The following CHD7 variants were observed in gnomAD, a reference collection of about 807,000 sequenced individuals.
CHD7 encodes chromodomain helicase DNA binding protein 7, also known as ATP-dependent chromatin remodeler CHD7.
A neutral mutation model predicts 307.3 loss-of-function variants in CHD7; 24 were observed. The ratio of observed to expected loss-of-function variants is 0.08; its 90% confidence interval spans 0.06 to 0.11. The LOEUF is 0.11. Ranked by LOEUF, CHD7 falls within the 10% of genes least tolerant of loss-of-function variation. The probability of loss-of-function intolerance (pLI) is 1.00; values close to 1 mark genes in which losing one functional copy is unlikely to be tolerated. For synonymous variants in CHD7, 1,363 were observed against 1,349.9 expected (o/e 1.01, Z -0.21); for missense variants, 3,106 against 3,727.1 (o/e 0.83, Z 4.34).
At chr8:60,735,265 T>TA (rs1482757060) in intron 1 of CHD7, among the ~76,000 whole-genome samples, 1 of 152,228 alleles carries the variant, frequency 6.6e-6, no homozygotes, top group African/African-American at 2.4e-5. Context: ...GAGATGGTGT[T>TA]ACTGTCATAG....
intron 1 of CHD7, among the ~76,000 whole-genome samples, chr8:60,685,515 C>T (rs1441726989): frequency 6.6e-6 from 1 of 152,082 alleles, no homozygotes; most frequent in East Asian, 1.9e-4. Flanking sequence ...GTTCCCGGCA[C>T]GTGGGTGGCA....
intron 1 of CHD7, among the ~76,000 whole-genome samples, chr8:60,699,821 T>C (rs1308381528): frequency 7.0e-6 from 1 of 142,836 alleles, no homozygotes; most frequent in Non-Finnish European, 1.5e-5. Flanking sequence ...GTTTGATAAC[T>C]TGATATTATT....
chr8:60,785,921 C>A (rs1325496598), intron 3 of CHD7, among the ~76,000 whole-genome samples: 1 of 151,794 alleles, frequency 6.6e-6, no homozygotes, highest in Non-Finnish European at 1.5e-5. Flanking sequence ...TTTGAAAAGA[C>A]AGAACTAAAT....
intron 2 of CHD7, among the ~76,000 whole-genome samples, chr8:60,745,429 T>C (rs1412601896): frequency 2.0e-5 from 3 of 152,178 alleles, no homozygotes; most frequent in Non-Finnish European, 4.4e-5. Flanking sequence ...TGTGTGAGTC[T>C]GTGGCGTTTG....
intron 1 of CHD7, among the ~76,000 whole-genome samples, chr8:60,698,293 TGA>T (rs977788512): frequency 6.6e-6 from 1 of 152,196 alleles, no homozygotes; most frequent in African/African-American, 2.4e-5. Context: ...GAGGATAATT[TGA>T]GAGGATTTTT....
At chr8:60,760,772 T>C (rs1188519547) in intron 2 of CHD7, among the ~76,000 whole-genome samples, 1 of 150,994 alleles carries the variant, frequency 6.6e-6, no homozygotes. Flanking sequence ...ATCAGAGAAA[T>C]GCAAATCAAA....
chr8:60,689,917 A>G (rs1001927922), intron 1 of CHD7, among the ~76,000 whole-genome samples: 7 of 152,250 alleles, frequency 4.6e-5, no homozygotes, highest in Admixed American at 4.6e-4. Context: ...TTCACTTAGC[A>G]TCTTTATCTC....
intron 1 of CHD7, among the ~76,000 whole-genome samples, chr8:60,705,127 G>C (rs1469335047): frequency 6.6e-6 from 1 of 152,210 alleles, no homozygotes; most frequent in African/African-American, 2.4e-5. Flanking sequence ...GTAGTTGATG[G>C]TATAAGAGTC....
intron 6 of CHD7, among the ~76,000 whole-genome samples, chr8:60,802,368 G>A (rs1812352177): frequency 6.6e-6 from 1 of 152,170 alleles, no homozygotes; most frequent in South Asian, 2.1e-4. Context: ...GGTGCATTAG[G>A]TATTACAACA....
At chr8:60,683,382 G>GATT (rs1805727626) in intron 1 of CHD7, among the ~76,000 whole-genome samples, 1 of 152,190 alleles carries the variant, frequency 6.6e-6, no homozygotes, top group Non-Finnish European at 1.5e-5. Context: ...GTCCATAGCT[G>GATT]ATTATGGTGG....
intron 1 of CHD7, among the ~76,000 whole-genome samples, chr8:60,708,721 A>T (rs190641294): frequency 2.6e-4 from 39 of 152,220 alleles, no homozygotes; most frequent in Non-Finnish European, 4.1e-4. Context: ...TGTCCACTCA[A>T]ACTCAGCTTT....
chr8:60,693,325 G>A (rs1806294950), intron 1 of CHD7, among the ~76,000 whole-genome samples: 1 of 152,182 alleles, frequency 6.6e-6, no homozygotes, highest in Admixed American at 6.5e-5. Flanking sequence ...CTCCCCTGTG[G>A]AACAAGTCCC....
At chr8:60,765,671 G>A (rs1401672473) in intron 2 of CHD7, among the ~76,000 whole-genome samples, 1 of 152,242 alleles carries the variant, frequency 6.6e-6, no homozygotes, top group Non-Finnish European at 1.5e-5. Flanking sequence ...AGGGTGCAGC[G>A]TGTGTGGTGG....
chr8:60,862,017 G>A, intron 35 of CHD7, 179 bp from the exon 36 acceptor site: 2 of 482,556 alleles, frequency 4.1e-6, no homozygotes, highest in Non-Finnish European at 7.1e-6. Flanking sequence ...CTTAATGGAC[G>A]GGTAAAATAG....
chr8:60,840,775 G>A (rs544043765), intron 19 of CHD7, among the ~76,000 whole-genome samples: 3 of 152,022 alleles, frequency 2.0e-5, no homozygotes, highest in African/African-American at 7.2e-5. Context: ...GCACCACCAT[G>A]CCTGGCTAAT....
chr8:60,837,283 C>T (rs150102973), intron 17 of CHD7, among the ~76,000 whole-genome samples: 152 of 152,250 alleles, frequency 1.0e-3, no homozygotes, highest in African/African-American at 3.1e-3. Context: ...CTTTGGTAGC[C>T]GTCTTAGCTC....
chr8:60,740,801 G>A (rs956810856), intron 1 of CHD7, among the ~76,000 whole-genome samples: 8 of 152,318 alleles, frequency 5.3e-5, no homozygotes, highest in African/African-American at 1.9e-4. Context: ...TGGTGCTGCT[G>A]TTGCTCATCT....
chr8:60,707,541 A>G (rs936765965), intron 1 of CHD7, among the ~76,000 whole-genome samples: 3 of 152,262 alleles, frequency 2.0e-5, no homozygotes, highest in African/African-American at 4.8e-5. Context: ...TTACCCTTGT[A>G]TAAGAACCTA....
At chr8:60,724,184 C>T (rs1298186303) in intron 1 of CHD7, among the ~76,000 whole-genome samples, 3 of 152,194 alleles carry the variant, frequency 2.0e-5, no homozygotes, top group Non-Finnish European at 4.4e-5. Flanking sequence ...CTTCCTGTCC[C>T]TTTCAGCCAG....
Sources: gnomAD v4.1 joint callset for allele counts (sites outside exome capture counted in the v4.1 genomes callset) on GRCh38, gnomAD v4.1.1 for gene constraint, MANE v1.5 for transcripts, NCBI Gene and HGNC (gene_info 2026-07-23, HGNC 2026-07-21) for gene names.